FCHO2: variants seen among roughly 807,000 people sequenced by gnomAD.
FCHO2 encodes the protein FCH and mu domain containing endocytic adaptor 2, also known as F-BAR domain only protein 2.
Under a neutral mutation model 114.1 loss-of-function variants are expected in FCHO2, and 43 were observed. The observed-to-expected ratio is 0.38, with a 90% CI of 0.30 to 0.49. The LOEUF is 0.49. Ranked by LOEUF, FCHO2 falls within the 20% of genes least tolerant of loss-of-function variation. The probability of loss-of-function intolerance (pLI) is 0.97; values close to 1 mark genes in which losing one functional copy is unlikely to be tolerated. For missense variants in FCHO2, 807 were observed against 950.4 expected, an observed-to-expected ratio of 0.85 and a Z score of 1.98; for synonymous variants, 293 against 315.2, an observed-to-expected ratio of 0.93 and a Z score of 0.75.
chr5:73,032,556 A>T (rs1188961731), intron 8 of FCHO2, among the ~76,000 whole-genome samples: 1 of 152,178 alleles, frequency 6.6e-6, no homozygotes. Flanking sequence ...TTTCACATGT[A>T]TGAAGTCATC....
At chr5:73,066,314 A>G (rs1230376816) in intron 18 of FCHO2, among the ~76,000 whole-genome samples, 1 of 151,928 alleles carries the variant, frequency 6.6e-6, no homozygotes, top group African/African-American at 2.4e-5. Flanking sequence ...TGTCTTCTAC[A>G]CCGTTGTCAG....
intron 6 of FCHO2, among the ~76,000 whole-genome samples, chr5:73,013,367 G>A (rs999229607): frequency 3.3e-5 from 5 of 151,794 alleles, no homozygotes; most frequent in Admixed American, 1.3e-4. Flanking sequence ...ATAGGGTCAG[G>A]GAATTAAATT....
rs570932923 is a variant in FCHO2, at chr5:72,972,915, C to T, written c.125+4326C>T. ...TATTGAGAGTTTTTAGCATGAAGGG[C>T]TGTTGAATTTTGTCAAAGGCCTTTT... is the stretch of plus-strand genomic sequence containing the variant. On this transcript the variant is annotated intron_variant, in intron 2 of 25. Transcript: ENST00000430046. Among the ~76,000 whole-genome samples the T allele has an allele frequency of 1.1e-3, 174 of 152,202 alleles. 2 individuals carry two copies. Among genetic ancestry groups the T allele is most frequent in the South Asian group, 6.4e-3 (31 of 4,826 alleles).
At chr5:73,034,336 A>G (rs1756385835) in intron 8 of FCHO2, 2 of 239,768 alleles carry the variant, frequency 8.3e-6, no homozygotes, top group Non-Finnish European at 1.6e-5. Flanking sequence ...TCTCATTAAC[A>G]GTACTGCCAG....
At chr5:73,004,770 A>G (rs949616226) in intron 5 of FCHO2, among the ~76,000 whole-genome samples, 1 of 152,172 alleles carries the variant, frequency 6.6e-6, no homozygotes, top group African/African-American at 2.4e-5. Flanking sequence ...AGTACAGTAG[A>G]ATATTTAGAG....
chr5:73,063,797 C>T (rs368617631), intron 17 of FCHO2, 44 bp from the exon 18 acceptor site: 1 of 1,528,336 alleles, frequency 6.5e-7, no homozygotes, highest in Non-Finnish European at 9.0e-7. Context: ...AGGATTGCTA[C>T]ATACTAATGA....
intron 21 of FCHO2, among the ~76,000 whole-genome samples, 190 bp downstream of exon 21, chr5:73,077,683 A>AAAAAAC (rs200461685): frequency 0.017 from 2,518 of 152,166 alleles, 70 homozygotes; most frequent in African/African-American, 0.052. Flanking sequence ...AACAAAAAAC[A>AAAAAAC]AAAAACAAGA....
intron 5 of FCHO2, chr5:72,997,708 C>T (rs780332191): frequency 4.6e-6 from 7 of 1,518,342 alleles, no homozygotes; most frequent in Admixed American, 1.8e-5. Context: ...CTTGGGATAC[C>T]GTTTGATGCC....
intron 21 of FCHO2, 94 bp downstream of exon 21, chr5:73,077,587 T>C (rs765257493): frequency 8.7e-5 from 118 of 1,349,576 alleles, no homozygotes; most frequent in Non-Finnish European, 1.1e-4. Context: ...CCCAGCAGTT[T>C]GGGAGGCTGA....
intron 5 of FCHO2, among the ~76,000 whole-genome samples, chr5:73,002,062 T>C (rs1029472529): frequency 5.3e-5 from 8 of 152,218 alleles, no homozygotes; most frequent in Non-Finnish European, 1.2e-4. Context: ...AATTTTGATT[T>C]AGATCCAGCC....
At chr5:72,980,812 C>T (rs1023147060) in intron 2 of FCHO2, among the ~76,000 whole-genome samples, 1 of 152,100 alleles carries the variant, frequency 6.6e-6, no homozygotes, top group East Asian at 1.9e-4. Context: ...ATTCCTCCAT[C>T]CCTTTATTTT....
chr5:73,023,837 A>G (rs549585539), intron 8 of FCHO2, among the ~76,000 whole-genome samples: 1 of 152,296 alleles, frequency 6.6e-6, no homozygotes, highest in African/African-American at 2.4e-5. Context: ...GTTCTTAGAA[A>G]TTTTGCTAAC....
chr5:73,012,501 C>T (rs1004944923), intron 6 of FCHO2, among the ~76,000 whole-genome samples: 1 of 151,910 alleles, frequency 6.6e-6, no homozygotes, highest in African/African-American at 2.4e-5. Context: ...TGCCTGTAGT[C>T]CCAGCTACTC....
intron 1 of FCHO2, among the ~76,000 whole-genome samples, chr5:72,959,164 C>G (rs559824801): frequency 1.3e-5 from 2 of 152,248 alleles, no homozygotes; most frequent in South Asian, 4.1e-4. Flanking sequence ...GCTCAGTGAG[C>G]TAGGAAGGTC....
intron 11 of FCHO2, among the ~76,000 whole-genome samples, chr5:73,047,032 C>T (rs1237906017): frequency 6.6e-6 from 1 of 152,154 alleles, no homozygotes; most frequent in African/African-American, 2.4e-5. Flanking sequence ...TCCTTGGCAG[C>T]CTTTTCTTTC....
At position 73,049,868 on chromosome 5, in the gene FCHO2, A is replaced by G. The variant is rs1399878159; in HGVS notation, c.940-1481A>G. The stretch of plus-strand genomic sequence containing the variant: ...TGTGTCTGTGTGTATACACACATAT[A>G]CATATATATACACATAGATATATAC... On this transcript the variant is annotated intron_variant, in intron 11 of 25. Coordinates refer to ENST00000430046, the MANE Select transcript of FCHO2 (RefSeq NM_138782.3). Among the ~76,000 whole-genome samples the G allele has an allele frequency of 3.3e-5, 5 of 152,334 alleles. No homozygotes were observed. In the South Asian group the frequency reaches 8.3e-4, roughly 25 times the overall value.
At chr5:73,077,570 C>G (rs1160389343) in intron 21 of FCHO2, 77 bp downstream of exon 21, 52 of 1,427,474 alleles carry the variant, frequency 3.6e-5, no homozygotes, top group Non-Finnish European at 4.5e-5. Context: ...TGGCTCACGC[C>G]TGTAATCCCA....
chr5:73,058,459 G>C lies in FCHO2; in HGVS notation c.1280G>C (p.Trp427Ser). The C allele has an allele frequency of 6.4e-7, 1 of 1,571,798 alleles. No homozygotes were observed. Among genetic ancestry groups the C allele is most frequent in the Non-Finnish European group, 8.6e-7 (1 of 1,157,082 alleles). Residue 427 changes from tryptophan (W) to serine (S), a missense_variant, in exon 17 of 26, where the codon TGG becomes TCG. Trp to Ser is a radical substitution (Grantham distance 177, BLOSUM62 -3). Transcript: ENST00000430046. ...AAAGGAACCAGTGATTTACTTGCTT[G>C]GGACCCCCTATTTGGACCATCTCTT... ...NEKGTSDLLA[W>S]DPLFGPSLDS... is the part of the protein sequence containing the mutation.
At chr5:73,066,043 C>A (rs1742302897) in intron 18 of FCHO2, among the ~76,000 whole-genome samples, 1 of 152,008 alleles carries the variant, frequency 6.6e-6, no homozygotes, top group African/African-American at 2.4e-5. Flanking sequence ...GCCTCCAGTT[C>A]TATCCATGTT....
Sources: gnomAD v4.1 joint callset for allele counts (sites outside exome capture counted in the v4.1 genomes callset) on GRCh38, gnomAD v4.1.1 for gene constraint, MANE v1.5 for transcripts, NCBI Gene and HGNC (gene_info 2026-07-23, HGNC 2026-07-21) for gene names.